Variants in DNAAF9 observed in about 807,000 individuals in gnomAD.
DNAAF9 encodes the protein dynein axonemal assembly factor 9, also known as shulin.
In DNAAF9, 90 loss-of-function variants were observed where a neutral mutation model predicts 167.0. The observed-to-expected ratio is 0.54, with a 90% confidence interval of 0.45 to 0.64. The LOEUF is 0.64. Ranked by LOEUF, DNAAF9 falls within the 30% of genes least tolerant of loss-of-function variation. The pLI is 0.00. For missense variants in DNAAF9, 1,315 were observed against 1,442.2 expected, an observed-to-expected ratio of 0.91 and a Z score of 1.43; for synonymous variants, 491 against 508.8, an observed-to-expected ratio of 0.96 and a Z score of 0.47.
At position 3,287,661 on chromosome 20, in the gene DNAAF9, C is replaced by A. The variant is rs758784843; in HGVS notation, c.2457G>T (p.Lys819Asn). The A allele has an allele frequency of 3.4e-5, 55 of 1,614,122 alleles. No individual in the cohort carries two copies. The highest frequency in any genetic ancestry group is 4.7e-5 in the Non-Finnish European group (55 of 1,180,056). ...RSARQSAYIR[K>N]KTRLLVVLQG... is the part of the protein sequence containing the mutation. ...GTAACACCACCAGCAGTCTGGTCTT[C>A]TTGCGGATGTAGGCTGACTGGCGCG... is the stretch of plus-strand genomic sequence containing the variant. Residue 819 changes from lysine to asparagine, a missense_variant, in exon 27 of 37, where the codon AAG becomes AAT. Physicochemically the swap from Lys to Asn is moderately conservative, Grantham distance 94. Transcript: ENST00000252032.
chr20:3,266,473 G>A (rs1407435114), intron 30 of DNAAF9, among the ~76,000 whole-genome samples: 2 of 152,032 alleles, frequency 1.3e-5, no homozygotes, highest in Admixed American at 1.3e-4. Flanking sequence ...TAGTTCTTTT[G>A]TTTTTGTTTT....
chr20:3,392,815 A>C (rs2083844940), intron 1 of DNAAF9, among the ~76,000 whole-genome samples: 1 of 152,242 alleles, frequency 6.6e-6, no homozygotes, highest in African/African-American at 2.4e-5. Flanking sequence ...AAAATTAAAC[A>C]ATTAAAATAC....
intron 30 of DNAAF9, among the ~76,000 whole-genome samples, chr20:3,266,159 C>G (rs2068486762): frequency 6.6e-6 from 1 of 152,150 alleles, no homozygotes; most frequent in Non-Finnish European, 1.5e-5. Context: ...GAGATTAATA[C>G]CCAGGTGGTG....
At chr20:3,323,292 T>C (rs1299258171) in intron 14 of DNAAF9, among the ~76,000 whole-genome samples, 2 of 133,468 alleles carry the variant, frequency 1.5e-5, no homozygotes, top group Middle Eastern at 3.4e-3. Flanking sequence ...TTTTTTTTTT[T>C]TTTTTTTGAG....
rs2070056629 is a variant in DNAAF9, at chr20:3,340,441, C to T, written c.981+63G>A. The T allele has an allele frequency of 1.2e-5, 2 of 166,540 alleles. 1 individual carries two copies. Among genetic ancestry groups the T allele is most frequent in the East Asian group, 3.9e-4 (2 of 5,068 alleles). The allele number at this position is 166,540 out of a possible 1,614,324, so 10.3% of individuals were successfully genotyped here. A position where few individuals can be genotyped will look rare whatever the true frequency, so the allele number is the denominator to read the frequency against. ...GGTTCTTTTTGTCTAGCTCCCCCCA[C>T]CCACCCCACCCCCACAACTTGATAA... On this transcript the variant is annotated intron_variant, in intron 10 of 36. Transcript: ENST00000252032.
intron 1 of DNAAF9, among the ~76,000 whole-genome samples, chr20:3,390,190 G>C (rs2083807209): frequency 1.3e-5 from 2 of 152,094 alleles, no homozygotes; most frequent in Non-Finnish European, 2.9e-5. Context: ...CTTTATTTTA[G>C]ATGCATAAGG....
chr20:3,340,053 A>T (rs1391515366), intron 10 of DNAAF9, among the ~76,000 whole-genome samples: 1 of 152,204 alleles, frequency 6.6e-6, no homozygotes, highest in Admixed American at 6.5e-5. Flanking sequence ...AATGTAGCAG[A>T]CAATCTGCCA....
rs543228855 is a variant in DNAAF9 at position 3,314,709 on chromosome 20, G to T, written c.1678+324C>A. Among the ~76,000 whole-genome samples the T allele has an allele frequency of 1.1e-4, 16 of 152,276 alleles. No homozygotes were observed. The South Asian group carries it at 2.9e-3, about 28-fold the overall frequency. On this transcript the variant is annotated intron_variant, in intron 20 of 36. Transcript: ENST00000252032. ...TAAGCTACTAAATTTGTGGTCATTT[G>T]TTACACAGCAAGAGAAATGAATCCA...
intron 30 of DNAAF9, among the ~76,000 whole-genome samples, chr20:3,265,390 C>A (rs899757730): frequency 1.3e-5 from 2 of 151,434 alleles, no homozygotes; most frequent in Admixed American, 6.6e-5. Flanking sequence ...CATGGCGAAA[C>A]CCCATCTCTA....
chr20:3,282,371 A>C (rs1469981550), intron 27 of DNAAF9, among the ~76,000 whole-genome samples: 2 of 152,162 alleles, frequency 1.3e-5, no homozygotes, highest in African/African-American at 2.4e-5. Flanking sequence ...TTCAAAATAT[A>C]ACTAGAAGAG....
At chr20:3,268,635 C>T (rs2068530627) in intron 30 of DNAAF9, among the ~76,000 whole-genome samples, 1 of 151,596 alleles carries the variant, frequency 6.6e-6, no homozygotes, top group African/African-American at 2.4e-5. Context: ...CCTAGATTCG[C>T]TTTTTTTGGT....
In DNAAF9 at chr20:3,287,639, A is replaced by T. The variant is rs1039841348; in HGVS notation, c.2479T>A (p.Leu827Ile). ...GAGACTTCCAATGCTCACCCTTGTA[A>T]CACCACCAGCAGTCTGGTCTTCTTG... ...IRKKTRLLVV[L>I]QGYTDVIDVV... is the part of the protein sequence containing the mutation. Residue 827 changes from leucine to isoleucine, a missense_variant, in exon 27 of 37, where the codon TTA (leucine) becomes ATA (isoleucine). Coordinates refer to ENST00000252032, the MANE Select transcript of DNAAF9 (RefSeq NM_001009984.3). The T allele has an allele frequency of 3.7e-6, 6 of 1,614,058 alleles. No individual in the cohort carries two copies. Among genetic ancestry groups the T allele is most frequent in the Non-Finnish European group, 4.2e-6 (5 of 1,180,018 alleles).
At chr20:3,262,426 T>G (rs1448541713) in intron 31 of DNAAF9, among the ~76,000 whole-genome samples, 1 of 152,028 alleles carries the variant, frequency 6.6e-6, no homozygotes, top group African/African-American at 2.4e-5. Context: ...AACTTTTGTA[T>G]TTTTAATAGA....
chr20:3,255,096 A>G, intron 35 of DNAAF9, 123 bp downstream of exon 35: 1 of 633,798 alleles, frequency 1.6e-6, no homozygotes, highest in Non-Finnish European at 2.8e-6. Context: ...GTGGCCTGGG[A>G]GAAGCAAGAC....
chr20:3,297,061 T>C, intron 22 of DNAAF9, 112 bp from the exon 23 acceptor site: 1 of 671,006 alleles, frequency 1.5e-6, no homozygotes, highest in South Asian at 1.9e-5. Context: ...GCAGAGAAAA[T>C]GACTATAACA....
intron 30 of DNAAF9, among the ~76,000 whole-genome samples, chr20:3,266,305 G>A (rs904298466): frequency 2.6e-5 from 4 of 152,098 alleles, no homozygotes; most frequent in Non-Finnish European, 4.4e-5. Context: ...TTCCCTCTTT[G>A]TAAGGAGTCA....
At chr20:3,373,933 C>T (rs1400393282) in intron 6 of DNAAF9, 115 bp downstream of exon 6, 3 of 658,518 alleles carry the variant, frequency 4.6e-6, no homozygotes, top group Non-Finnish European at 8.2e-6. Context: ...TGCTCCATGC[C>T]CTTGTGAGGT....
chr20:3,367,820 TG>T (rs1347743534), intron 6 of DNAAF9, among the ~76,000 whole-genome samples: 6 of 150,648 alleles, frequency 4.0e-5, no homozygotes, highest in Non-Finnish European at 5.9e-5. Flanking sequence ...ATTACCAAAA[TG>T]CGACACAGAG....
chr20:3,348,996 C>T (rs1209781102), intron 7 of DNAAF9, among the ~76,000 whole-genome samples: 3 of 151,818 alleles, frequency 2.0e-5, no homozygotes, highest in African/African-American at 2.4e-5. Flanking sequence ...CACTAAAAAT[C>T]GTTGAGTTGT....
Sources: gnomAD v4.1 joint callset for allele counts (sites outside exome capture counted in the v4.1 genomes callset) on GRCh38, gnomAD v4.1.1 for gene constraint, MANE v1.5 for transcripts, NCBI Gene and HGNC (gene_info 2026-07-23, HGNC 2026-07-21) for gene names.